SLC24A2: variants seen among roughly 807,000 people sequenced by gnomAD.
SLC24A2 encodes solute carrier family 24 member 2, also known as sodium/potassium/calcium exchanger 2.
SLC24A2 carries 36 observed loss-of-function variants against 62.0 expected under a neutral mutation model. That is an observed-to-expected ratio of 0.58 (90% CI 0.44 to 0.77). The LOEUF is 0.77. Among genes scored for constraint, SLC24A2 ranks in the 30% least tolerant of loss-of-function variants. The pLI is 0.00. For missense variants in SLC24A2, 846 were observed against 817.9 expected (o/e 1.03, Z -0.42); for synonymous variants, 358 against 294.0 (o/e 1.22, Z -2.23).
At chr9:19,998,781 G>A in the SLC24A2 span, among the ~76,000 whole-genome samples, 125 of 152,328 alleles carry the variant, frequency 8.2e-4, no homozygotes, top group African/African-American at 2.8e-3. Context: ...CCACCCCTGG[G>A]GGGATTCAGA....
At chr9:19,985,335 A>G in the SLC24A2 span, among the ~76,000 whole-genome samples, 7 of 152,312 alleles carry the variant, frequency 4.6e-5, no homozygotes, top group South Asian at 1.4e-3. Context: ...ATTAGAAACA[A>G]AAGTCCATTG....
At chr9:20,294,620 G>A in the SLC24A2 span, among the ~76,000 whole-genome samples, 1 of 152,110 alleles carries the variant, frequency 6.6e-6, no homozygotes, top group African/African-American at 2.4e-5. Flanking sequence ...AGGCCCTTCA[G>A]TTCTTTTAAA....
intron 2 of SLC24A2, among the ~76,000 whole-genome samples, chr9:19,736,294 G>C (rs1821508832): frequency 6.6e-6 from 1 of 152,108 alleles, no homozygotes; most frequent in Non-Finnish European, 1.5e-5. Flanking sequence ...GAAAACAGAT[G>C]ATGGATTTAA....
chr9:19,544,678 T>G (rs895410116), intron 8 of SLC24A2, among the ~76,000 whole-genome samples: 5 of 152,196 alleles, frequency 3.3e-5, no homozygotes, highest in African/African-American at 1.2e-4. Flanking sequence ...TTATTTCTCC[T>G]TCACTTACGA....
intron 1 of SLC24A2, chr9:19,788,633 T>TC: frequency 1.0e-6 from 1 of 985,278 alleles, no homozygotes; most frequent in Non-Finnish European, 1.2e-6. Flanking sequence ...TCTGCGCGTC[T>TC]CCCCCGACGG....
chr9:19,772,634 G>A (rs1044860498), intron 2 of SLC24A2, among the ~76,000 whole-genome samples: 2 of 152,092 alleles, frequency 1.3e-5, no homozygotes, highest in Admixed American at 6.6e-5. Flanking sequence ...TCAGGAAAAT[G>A]CAAACCAAAA....
At chr9:20,229,322 T>C in the SLC24A2 span, among the ~76,000 whole-genome samples, 7 of 152,150 alleles carry the variant, frequency 4.6e-5, no homozygotes, top group Non-Finnish European at 7.4e-5. Context: ...TGTTCTTCTC[T>C]ATATAAGGAA....
At chr9:19,656,453 T>C (rs978565173) in intron 2 of SLC24A2, among the ~76,000 whole-genome samples, 4 of 152,214 alleles carry the variant, frequency 2.6e-5, no homozygotes, top group Admixed American at 6.5e-5. Flanking sequence ...TTTATTCTAA[T>C]GTCTCACTTT....
chr9:20,159,948 C>A, the SLC24A2 span, among the ~76,000 whole-genome samples: 1 of 151,266 alleles, frequency 6.6e-6, no homozygotes, highest in Non-Finnish European at 1.5e-5. Flanking sequence ...ACAGAAATAT[C>A]AGTAATAATA....
the SLC24A2 span, among the ~76,000 whole-genome samples, chr9:20,228,206 G>C: frequency 6.6e-6 from 1 of 152,074 alleles, no homozygotes; most frequent in East Asian, 1.9e-4. Context: ...ATTTGGAAAT[G>C]CTTTGACCTA....
intron 2 of SLC24A2, 56 bp from the exon 3 acceptor site, chr9:19,622,355 C>T: frequency 6.7e-7 from 1 of 1,495,720 alleles, no homozygotes; most frequent in Non-Finnish European, 9.3e-7. Context: ...AATGAAGAAT[C>T]ACATATGGCA....
At chr9:19,608,331 A>T (rs10964236) in intron 4 of SLC24A2, among the ~76,000 whole-genome samples, 28 of 150,806 alleles carry the variant, frequency 1.9e-4, no homozygotes, top group Non-Finnish European at 1.6e-4. Flanking sequence ...TTTTTTTTTT[A>T]AATAGAAGCT....
chr9:19,725,778 C>A (rs781635835), intron 2 of SLC24A2, among the ~76,000 whole-genome samples: 1 of 152,110 alleles, frequency 6.6e-6, no homozygotes, highest in Non-Finnish European at 1.5e-5. Context: ...AGACACAACA[C>A]TGAATGGAAG....
chr9:19,635,908 G>C (rs1345772350), intron 2 of SLC24A2, among the ~76,000 whole-genome samples: 1 of 152,180 alleles, frequency 6.6e-6, no homozygotes, highest in Non-Finnish European at 1.5e-5. Context: ...TGTACATTTT[G>C]TATGTATGCA....
At chr9:20,118,322 GT>G in the SLC24A2 span, among the ~76,000 whole-genome samples, 1 of 152,100 alleles carries the variant, frequency 6.6e-6, no homozygotes, top group Non-Finnish European at 1.5e-5. Flanking sequence ...TTGCATAGAA[GT>G]TGAAGGAAAT....
chr9:19,742,304 T>C (rs1416536478), intron 2 of SLC24A2, among the ~76,000 whole-genome samples: 1 of 152,214 alleles, frequency 6.6e-6, no homozygotes, highest in Non-Finnish European at 1.5e-5. Flanking sequence ...ACAGGTATTA[T>C]CCTAAGGAAA....
the SLC24A2 span, among the ~76,000 whole-genome samples, chr9:20,290,094 A>G: frequency 2.0e-5 from 3 of 152,002 alleles, no homozygotes; most frequent in African/African-American, 7.2e-5. Flanking sequence ...CCCAACCCCA[A>G]CACAAACCCA....
chr9:20,273,431 T>C, the SLC24A2 span, among the ~76,000 whole-genome samples: 2 of 152,184 alleles, frequency 1.3e-5, no homozygotes, highest in Admixed American at 1.3e-4. Context: ...AATCTCATCT[T>C]GTAGCTCCCA....
At chr9:20,169,654 A>G in the SLC24A2 span, among the ~76,000 whole-genome samples, 2 of 152,056 alleles carry the variant, frequency 1.3e-5, no homozygotes, top group Middle Eastern at 3.4e-3. Context: ...TCAAGGGAAC[A>G]CCCCATGAAA....
Sources: gnomAD v4.1 joint callset for allele counts (sites outside exome capture counted in the v4.1 genomes callset) on GRCh38, gnomAD v4.1.1 for gene constraint, MANE v1.5 for transcripts, NCBI Gene and HGNC (gene_info 2026-07-23, HGNC 2026-07-21) for gene names.